Variants in ITGB1BP1 observed in about 807,000 individuals in gnomAD.
ITGB1BP1 encodes the protein integrin subunit beta 1 binding protein 1.
Under a neutral mutation model 28.0 loss-of-function variants are expected in ITGB1BP1, and 20 were observed. That is an observed-to-expected ratio of 0.71 (90% CI 0.50 to 1.04). The LOEUF (loss-of-function observed/expected upper bound fraction) is 1.04, where lower values mean the gene tolerates loss of function less well. Among genes scored for constraint, ITGB1BP1 ranks in the 50% least tolerant of loss-of-function variants. The pLI is 0.00. For synonymous variants in ITGB1BP1, 103 were observed against 89.5 expected, an observed-to-expected ratio of 1.15 and a Z score of -0.85; for missense variants, 228 against 242.5, an observed-to-expected ratio of 0.94 and a Z score of 0.40.
In ITGB1BP1 at chr2:9,407,453, C is replaced by A. The variant is rs1383343853; in HGVS notation, c.527G>T (p.Ser176Ile). Residue 176 changes from serine to isoleucine, a missense_variant, in exon 6 of 7, where the codon AGC (serine) becomes ATC (isoleucine). Ser to Ile is a moderately radical substitution (Grantham distance 142). Transcript: ENST00000355346. ...EYSLWVYQCN[S>I]LEQAQAICKV... Reference sequence around the variant, plus strand: ...ACCAAAGTAACGAAGTCTCACCAGGCTGTTGCACTGATAAACCCACAGGCT... The same window carrying A: ...ACCAAAGTAACGAAGTCTCACCAGGATGTTGCACTGATAAACCCACAGGCT... 6.2e-7 allele frequency: 1 copy of A among 1,614,186 alleles called. No individual in the cohort carries two copies. Among genetic ancestry groups the A allele is most frequent in the Non-Finnish European group, 8.5e-7 (1 of 1,180,030 alleles).
chr2:9,412,929 G>A (rs906883333), intron 3 of ITGB1BP1, among the ~76,000 whole-genome samples: 4 of 152,084 alleles, frequency 2.6e-5, no homozygotes, highest in Admixed American at 6.6e-5. Flanking sequence ...TTCCTCTATC[G>A]TTCCATCAGA....
intron 1 of ITGB1BP1, among the ~76,000 whole-genome samples, chr2:9,422,184 A>G (rs754745810): frequency 6.6e-6 from 1 of 152,186 alleles, no homozygotes; most frequent in African/African-American, 2.4e-5. Flanking sequence ...ACTGCAGCCA[A>G]AACGATTAAA....
chr2:9,421,943 C>G (rs916035267), intron 1 of ITGB1BP1, among the ~76,000 whole-genome samples: 1 of 152,116 alleles, frequency 6.6e-6, no homozygotes, highest in Non-Finnish European at 1.5e-5. Context: ...CTGTATACCC[C>G]ACCTGAAGAG....
At position 9,407,458 on chromosome 2, in the gene ITGB1BP1, G is replaced by A. The variant is rs1055677125; in HGVS notation, c.522C>T (p.Cys174=). 6.2e-7 allele frequency: 1 copy of A among 1,614,174 alleles called. No individual in the cohort carries two copies. Among genetic ancestry groups the A allele is most frequent in the Non-Finnish European group, 8.5e-7 (1 of 1,180,034 alleles). The change falls in exon 6 of 7, where the codon TGC becomes TGT. Residue 174 remains cysteine (C), a synonymous_variant. Transcript: ENST00000355346. The part of the protein sequence containing the change: ...NEEYSLWVYQ[C]NSLEQAQAIC... Reference sequence around the variant, plus strand: ...AGTAACGAAGTCTCACCAGGCTGTTGCACTGATAAACCCACAGGCTGTATT... The same window carrying A: ...AGTAACGAAGTCTCACCAGGCTGTTACACTGATAAACCCACAGGCTGTATT...
intron 6 of ITGB1BP1, 112 bp downstream of exon 6, chr2:9,407,337 G>A (rs369183672): frequency 2.3e-5 from 29 of 1,236,098 alleles, no homozygotes; most frequent in African/African-American, 1.9e-4. Flanking sequence ...ACTATCCCCA[G>A]GCCAAGATAT....
At position 9,419,940 on chromosome 2, in the gene ITGB1BP1, T is replaced by A. The variant is rs544421637; in HGVS notation, c.-35-1208A>T. ...TTTATGAATAAGATAACCTGATCAA[T>A]TTTTTACCAAAAACTGTATTCTCCA... On this transcript the variant is annotated intron_variant, in intron 1 of 6. Coordinates refer to ENST00000355346, the MANE Select transcript of ITGB1BP1 (RefSeq NM_004763.5). The A allele has an allele frequency of 1.3e-4, 63 of 489,584 alleles. No individual in the cohort carries two copies. In the South Asian group the frequency reaches 4.5e-3, roughly 35 times the overall value. 30.3% of individuals were successfully genotyped at this position (489,584 alleles called of 1,614,324 possible). A position where few individuals can be genotyped will look rare whatever the true frequency, so the allele number is the denominator to read the frequency against.
rs1290086107 is a variant in ITGB1BP1 at position 9,403,825 on chromosome 2, C to T, written c.*3009G>A. 6.5e-6 allele frequency: 1 copy of T among 154,796 alleles called. No individual in the cohort carries two copies. The highest frequency in any genetic ancestry group is 1.4e-5 in the Non-Finnish European group (1 of 69,828). The allele number at this position is 154,796 out of a possible 1,614,324, so 9.6% of individuals were successfully genotyped here. A position where few individuals can be genotyped will look rare whatever the true frequency, so the allele number is the denominator to read the frequency against. On this transcript the variant is annotated 3_prime_UTR_variant, in exon 7 of 7. Coordinates refer to ENST00000355346, the MANE Select transcript of ITGB1BP1 (RefSeq NM_004763.5). ...AAGACACACATTCCTTTGAAATCCACCCAGTGTTTAAAAAGCAACTTGGAA... is the reference window on the plus strand; with the variant it reads ...AAGACACACATTCCTTTGAAATCCATCCAGTGTTTAAAAAGCAACTTGGAA...
chr2:9,405,441 A>G lies in ITGB1BP1; in HGVS notation c.*1393T>C, dbSNP rs1677140157. 2 of 152,646 alleles carry G rather than the reference A, an allele frequency of 1.3e-5. No homozygotes were observed. Among genetic ancestry groups the G allele is most frequent in the Non-Finnish European group, 2.9e-5 (2 of 68,038 alleles). The allele number at this position is 152,646 out of a possible 1,614,324, so 9.5% of individuals were successfully genotyped here. On this transcript the variant is annotated 3_prime_UTR_variant, in exon 7 of 7. Transcript: ENST00000355346. ...TACACAGACTAAGAGTAACTGTGTG[A>G]TCTGTTAAGGGGTGGATAACATAAT...
intron 2 of ITGB1BP1, among the ~76,000 whole-genome samples, chr2:9,414,681 G>A (rs1281046495): frequency 2.6e-5 from 4 of 152,180 alleles, no homozygotes; most frequent in Non-Finnish European, 5.9e-5. Context: ...TGAGGAAGGA[G>A]ACTGAGACTT....
chr2:9,417,922 T>C (rs2148905606), intron 2 of ITGB1BP1, among the ~76,000 whole-genome samples: 2 of 152,342 alleles, frequency 1.3e-5, no homozygotes, highest in Middle Eastern at 6.8e-3. Context: ...AACTGCTCTA[T>C]TTTATGCCCC....
chr2:9,403,480 A>G lies in ITGB1BP1; in HGVS notation c.*3354T>C. ...TTTTAAAAACTCAGAGGCAATTTTT[A>G]CATATCAGTAATTGTTTTTATAATT... On this transcript the variant is annotated 3_prime_UTR_variant, in exon 7 of 7. Transcript: ENST00000355346. The G allele has an allele frequency of 1.6e-6, 1 of 610,914 alleles. No individual in the cohort carries two copies. 37.8% of individuals were successfully genotyped at this position (610,914 alleles called of 1,614,324 possible). A position where few individuals can be genotyped will look rare whatever the true frequency, so the allele number is the denominator to read the frequency against.
intron 3 of ITGB1BP1, among the ~76,000 whole-genome samples, chr2:9,413,675 A>G (rs1443176538): frequency 2.0e-5 from 3 of 151,926 alleles, no homozygotes; most frequent in Non-Finnish European, 4.4e-5. Context: ...AAATATCTAC[A>G]AGGGTCTGGG....
chr2:9,412,088 G>A, intron 4 of ITGB1BP1, 181 bp downstream of exon 4: 1 of 554,980 alleles, frequency 1.8e-6, no homozygotes, highest in Admixed American at 3.6e-5. Context: ...GGGAGGAACA[G>A]CGCCTGTGTT....
At chr2:9,407,987 C>T (rs1572682569) in intron 5 of ITGB1BP1, 126 bp downstream of exon 5, 1 of 642,996 alleles carries the variant, frequency 1.6e-6, no homozygotes, top group East Asian at 2.8e-5. Flanking sequence ...TTAAGACCAA[C>T]TGCCAGGAAT....
chr2:9,405,916 A>G lies in ITGB1BP1; in HGVS notation c.*918T>C, dbSNP rs1002415733. Reference sequence around the variant, plus strand: ...GGCAATGTCACTGTTCCAGACCAGCATGAATCCTGGTCTCCAGTCCACACC... The same window carrying G: ...GGCAATGTCACTGTTCCAGACCAGCGTGAATCCTGGTCTCCAGTCCACACC... On this transcript the variant is annotated 3_prime_UTR_variant, in exon 7 of 7. Transcript: ENST00000355346. The G allele has an allele frequency of 4.6e-5, 7 of 152,182 alleles. No homozygotes were observed. The highest frequency in any genetic ancestry group is 2.6e-4 in the Admixed American group (4 of 15,288). The allele number at this position is 152,182 out of a possible 1,614,324, so 9.4% of individuals were successfully genotyped here.
At chr2:9,420,076 G>A in intron 1 of ITGB1BP1, 1 of 983,548 alleles carries the variant, frequency 1.0e-6, no homozygotes, top group South Asian at 4.7e-5. Flanking sequence ...TGACCTGGGT[G>A]ATGCTTTTCA....
Position 9,406,881 on chromosome 2 carries a change from C to T in ITGB1BP1, c.556G>A (p.Val186Ile). ...ACAGAGTCAAAAGCGGTGGATAAAACCTTGCAAATGGCTTGTGCTTGTTCC... is the reference window on the plus strand; with the variant it reads ...ACAGAGTCAAAAGCGGTGGATAAAATCTTGCAAATGGCTTGTGCTTGTTCC... ...SLEQAQAICK[V>I]LSTAFDSVLT... The change falls in exon 7 of 7, where the codon GTT becomes ATT. Residue 186 changes from valine (V) to isoleucine (I), a missense_variant. Physicochemically the swap from Val to Ile is conservative, Grantham distance 29. Coordinates refer to ENST00000355346, the MANE Select transcript of ITGB1BP1 (RefSeq NM_004763.5). 1.2e-6 allele frequency: 2 copies of T among 1,613,166 alleles called. No homozygotes were observed. Among genetic ancestry groups the T allele is most frequent in the South Asian group, 1.1e-5 (1 of 91,042 alleles).
rs769032406 is a variant in ITGB1BP1 at position 9,423,366 on chromosome 2, C to A, written c.-36+7G>T. On this transcript the variant is annotated splice_region_variant and intron_variant, in intron 1 of 6. Coordinates refer to ENST00000355346, the MANE Select transcript of ITGB1BP1 (RefSeq NM_004763.5). The stretch of plus-strand genomic sequence containing the variant: ...GGCCCCAAGCGGGACGAGGGCTGGG[C>A]GCTCACCTCGCAGCCGCGGGCCCAT... 8.5e-6 allele frequency: 10 copies of A among 1,171,780 alleles called. No individual in the cohort carries two copies. The highest frequency in any genetic ancestry group is 6.1e-5 in the South Asian group (4 of 65,514). 72.6% of individuals were successfully genotyped at this position (1,171,780 alleles called of 1,614,324 possible). A position where few individuals can be genotyped will look rare whatever the true frequency, so the allele number is the denominator to read the frequency against.
chr2:9,406,957 A>C lies in ITGB1BP1; in HGVS notation c.532-52T>G, dbSNP rs746572394. 2.8e-6 allele frequency: 4 copies of C among 1,410,312 alleles called. No individual in the cohort carries two copies. In the South Asian group the frequency reaches 4.6e-5, roughly 16 times the overall value. The allele number at this position is 1,410,312 out of a possible 1,614,324, so 87.4% of individuals were successfully genotyped here. A position where few individuals can be genotyped will look rare whatever the true frequency, so the allele number is the denominator to read the frequency against. On this transcript the variant is annotated intron_variant, in intron 6 of 6. Coordinates refer to ENST00000355346, the MANE Select transcript of ITGB1BP1 (RefSeq NM_004763.5). Reference sequence around the variant, plus strand: ...AGCAACATTCATCTGTCTCTTCGTGAACTTAATTTGGCTAGCAGAGGCACA... The same window carrying C: ...AGCAACATTCATCTGTCTCTTCGTGCACTTAATTTGGCTAGCAGAGGCACA...
Sources: gnomAD v4.1 joint callset for allele counts (sites outside exome capture counted in the v4.1 genomes callset) on GRCh38, gnomAD v4.1.1 for gene constraint, MANE v1.5 for transcripts, NCBI Gene and HGNC (gene_info 2026-07-23, HGNC 2026-07-21) for gene names.